The following PSD3 variants were observed in gnomAD, a reference collection of about 807,000 sequenced individuals.
The protein encoded by PSD3 is PH and SEC7 domain-containing protein 3.
In PSD3, 49 loss-of-function variants were observed where a neutral mutation model predicts 105.5. The observed-to-expected ratio is 0.46, with a 90% CI of 0.37 to 0.59. The LOEUF (loss-of-function observed/expected upper bound fraction) is 0.59. PSD3 is among the 20% of genes least tolerant of loss of function. The probability of loss-of-function intolerance (pLI) is 0.00; values close to 1 mark genes in which losing one functional copy is unlikely to be tolerated. For synonymous variants in PSD3, 557 were observed against 457.8 expected (o/e 1.22, Z -2.77); for missense variants, 1,561 against 1,263.8 (o/e 1.24, Z -3.57).
intron 2 of PSD3, among the ~76,000 whole-genome samples, chr8:18,921,652 G>A (rs761848693): frequency 3.3e-5 from 5 of 152,192 alleles, no homozygotes; most frequent in African/African-American, 7.2e-5. Flanking sequence ...TGGCTTCATA[G>A]AAAATCCATC....
chr8:18,856,896 C>T (rs1816054828), intron 4 of PSD3, among the ~76,000 whole-genome samples: 1 of 152,138 alleles, frequency 6.6e-6, no homozygotes, highest in African/African-American at 2.4e-5. Flanking sequence ...TCATTAAGTG[C>T]CAGTAAATGA....
chr8:18,998,938 G>A (rs1359206922), intron 1 of PSD3, among the ~76,000 whole-genome samples: 3 of 151,966 alleles, frequency 2.0e-5, no homozygotes, highest in Non-Finnish European at 4.4e-5. Flanking sequence ...TCACTCTGTA[G>A]ATGGACATGG....
chr8:18,562,426 G>C (rs1347662506), intron 14 of PSD3, among the ~76,000 whole-genome samples: 2 of 152,172 alleles, frequency 1.3e-5, no homozygotes, highest in Non-Finnish European at 2.9e-5. Flanking sequence ...AAATCCAAAG[G>C]GCTGTCAACA....
intron 9 of PSD3, chr8:18,683,872 C>T (rs1315529109): frequency 1.3e-6 from 1 of 765,232 alleles, no homozygotes; most frequent in Non-Finnish European, 2.4e-6. Flanking sequence ...GAGTATTTCA[C>T]GGAACCTGAG....
intron 9 of PSD3, among the ~76,000 whole-genome samples, chr8:18,672,875 C>T (rs148043886): frequency 2.0e-5 from 3 of 152,090 alleles, no homozygotes; most frequent in African/African-American, 7.2e-5. Flanking sequence ...TTGTTAAACC[C>T]AAAGTTAATT....
At chr8:18,806,208 T>C (rs1440987764) in intron 4 of PSD3, among the ~76,000 whole-genome samples, 2 of 152,206 alleles carry the variant, frequency 1.3e-5, no homozygotes, top group Admixed American at 6.5e-5. Flanking sequence ...CTAGAAGAGT[T>C]TGGTGCCGCT....
At chr8:18,554,312 G>A (rs1361598020) in intron 15 of PSD3, among the ~76,000 whole-genome samples, 1 of 152,240 alleles carries the variant, frequency 6.6e-6, no homozygotes, top group Non-Finnish European at 1.5e-5. Flanking sequence ...ATTGCTTTTT[G>A]AGAACTCCCA....
At chr8:18,816,050 A>T (rs1237580584) in intron 4 of PSD3, among the ~76,000 whole-genome samples, 2 of 152,206 alleles carry the variant, frequency 1.3e-5, no homozygotes, top group Admixed American at 6.5e-5. Flanking sequence ...TCTCTTTAAA[A>T]TATTCCAGCT....
chr8:18,651,437 C>T (rs1034165046), intron 10 of PSD3, among the ~76,000 whole-genome samples: 1 of 152,214 alleles, frequency 6.6e-6, no homozygotes, highest in Admixed American at 6.5e-5. Context: ...TTTCCTGTAA[C>T]TATTTTCTAA....
intron 2 of PSD3, among the ~76,000 whole-genome samples, chr8:18,920,544 C>G (rs190702443): frequency 3.3e-5 from 5 of 152,276 alleles, no homozygotes. Context: ...GCAAACAAAA[C>G]AAAGTATAAT....
chr8:18,680,267 C>T (rs1563166566), intron 9 of PSD3, among the ~76,000 whole-genome samples: 9 of 152,212 alleles, frequency 5.9e-5, no homozygotes, highest in Admixed American at 3.3e-4. Context: ...ACAGTTGGCC[C>T]TCCATATCCA....
At position 19,032,952 on chromosome 8, in the gene PSD3, C is replaced by CAAAACAA. The variant is rs540934745; in HGVS notation, c.324+51247_324+51253dup. ...CCACATAAATGTCACCAGTAAAAAA[C>CAAAACAA]AAAACAAAAAACTAACTAGGCATGG... is the stretch of plus-strand genomic sequence containing the variant. On this transcript the variant is annotated intron_variant, in intron 1 of 1. Coordinates refer to the PSD3 transcript ENST00000521475. Among the ~76,000 whole-genome samples, 62 of 151,928 alleles carry CAAAACAA rather than the reference C, an allele frequency of 4.1e-4. No individual in the cohort carries two copies. In the South Asian group the frequency reaches 0.012, roughly 30 times the overall value.
At position 18,528,685 on chromosome 8, in the gene PSD3, T is replaced by A. The variant is rs918842183; in HGVS notation, c.*7058A>T. The A allele has an allele frequency of 6.6e-6, 1 of 152,636 alleles. No homozygotes were observed. The highest frequency in any genetic ancestry group is 1.5e-5 in the Non-Finnish European group (1 of 68,056). 9.5% of individuals were successfully genotyped at this position (152,636 alleles called of 1,614,324 possible). A position where few individuals can be genotyped will look rare whatever the true frequency, so the allele number is the denominator to read the frequency against. On this transcript the variant is annotated 3_prime_UTR_variant, in exon 16 of 16. Transcript: ENST00000327040. The stretch of plus-strand genomic sequence containing the variant: ...AGCAGTGAGCCTCAGACCTGCAGTG[T>A]GGTCCTTAATCGAGCCTTGGGCTGG...
chr8:18,752,584 T>TA (rs1805659837), intron 9 of PSD3, among the ~76,000 whole-genome samples: 2 of 71,926 alleles, frequency 2.8e-5, no homozygotes, highest in African/African-American at 1.6e-4. Context: ...TAATTATATA[T>TA]ATTATATATT....
chr8:18,835,893 C>G (rs1814069575), intron 4 of PSD3, among the ~76,000 whole-genome samples: 1 of 152,010 alleles, frequency 6.6e-6, no homozygotes, highest in South Asian at 2.1e-4. Flanking sequence ...GGGGGCGGAT[C>G]GTGTAGGGAC....
intron 9 of PSD3, among the ~76,000 whole-genome samples, chr8:18,677,895 A>G (rs1800152961): frequency 6.6e-6 from 1 of 152,014 alleles, no homozygotes; most frequent in African/African-American, 2.4e-5. Flanking sequence ...CTGTAGTCCC[A>G]GCTACTCGGG....
At chr8:18,571,594 C>T (rs916962802) in intron 14 of PSD3, among the ~76,000 whole-genome samples, 1 of 152,168 alleles carries the variant, frequency 6.6e-6, no homozygotes, top group Non-Finnish European at 1.5e-5. Context: ...GAGGATCTGG[C>T]CTTCATCTGC....
intron 1 of PSD3, among the ~76,000 whole-genome samples, chr8:18,995,425 T>C (rs1158712608): frequency 6.6e-6 from 1 of 152,004 alleles, no homozygotes; most frequent in Non-Finnish European, 1.5e-5. Flanking sequence ...GCTACAACAA[T>C]ATATTGTTGT....
intron 9 of PSD3, among the ~76,000 whole-genome samples, chr8:18,682,140 C>T (rs1255075802): frequency 6.6e-6 from 1 of 152,130 alleles, no homozygotes; most frequent in Non-Finnish European, 1.5e-5. Flanking sequence ...CAACATTACA[C>T]TACACAACCA....
Sources: gnomAD v4.1 joint callset for allele counts (sites outside exome capture counted in the v4.1 genomes callset) on GRCh38, gnomAD v4.1.1 for gene constraint, MANE v1.5 for transcripts, NCBI Gene and HGNC (gene_info 2026-07-23, HGNC 2026-07-21) for gene names.